The following RBM41 variants were observed in gnomAD, a reference collection of about 807,000 sequenced individuals.
RBM41 encodes RNA-binding protein 41.
In RBM41, 14 loss-of-function variants were observed where a neutral mutation model predicts 30.8. The ratio of observed to expected loss-of-function variants is 0.45; its 90% CI spans 0.30 to 0.71. The LOEUF (loss-of-function observed/expected upper bound fraction) is 0.71. RBM41 is among the 30% of genes least tolerant of loss of function. The pLI is 0.08. For synonymous variants in RBM41, 120 were observed against 110.1 expected, an observed-to-expected ratio of 1.09 and a Z score of -0.56; for missense variants, 276 against 326.3, an observed-to-expected ratio of 0.85 and a Z score of 1.19.
At position 107,067,215 on chromosome X, in the gene RBM41, T is replaced by C. The variant is rs895589294; in HGVS notation, c.*312A>G. ...AGAATGTTATCTCTAGAGACAAATA[T>C]TGAGGACCCCAGAAAAATTATAAAG... On this transcript the variant is annotated 3_prime_UTR_variant, in exon 8 of 8. Coordinates refer to ENST00000685964, the MANE Select transcript of RBM41 (RefSeq NM_001324242.2). 11 of 788,422 alleles carry C rather than the reference T, an allele frequency of 1.4e-5. 1 individual carries two copies. The Admixed American group carries it at 8.5e-4, about 61-fold the overall frequency. The allele number at this position is 788,422 out of a possible 1,213,427, so 65.0% of individuals were successfully genotyped here.
intron 5 of RBM41, among the ~76,000 whole-genome samples, chrX:107,105,012 G>A (rs1422836087): frequency 5.5e-5 from 6 of 110,059 alleles, no homozygotes; most frequent in African/African-American, 2.0e-4. Context: ...TGGAAGTTCT[G>A]GCCAGGGCAA....
chrX:107,118,027 A>G (rs1455345281), intron 1 of RBM41, among the ~76,000 whole-genome samples: 2 of 112,187 alleles, frequency 1.8e-5, no homozygotes, highest in East Asian at 2.8e-4. Context: ...GCAGGAAAGC[A>G]TATCAGTAAG....
At chrX:107,108,168 A>C (rs954574297) in intron 5 of RBM41, among the ~76,000 whole-genome samples, 3 of 111,757 alleles carry the variant, frequency 2.7e-5, no homozygotes, top group Non-Finnish European at 5.7e-5. Flanking sequence ...ATCTTAAGAA[A>C]ATCACTTATG....
At chrX:107,074,843 C>T (rs147816545) in intron 6 of RBM41, among the ~76,000 whole-genome samples, 41 of 111,662 alleles carry the variant, frequency 3.7e-4, no homozygotes, top group African/African-American at 1.2e-3. Flanking sequence ...CTATCCAAAG[C>T]GGTCTACAGA....
chrX:107,113,538 A>T, intron 4 of RBM41, 70 bp from the exon 5 acceptor site: 2 of 970,152 alleles, frequency 2.1e-6, no homozygotes, highest in South Asian at 4.1e-5. Flanking sequence ...CCCACCCTCC[A>T]CCCCAAATAC....
At position 107,115,430 on chromosome X, in the gene RBM41, G is replaced by A; in HGVS notation, c.445C>T (p.Arg149Trp). Residue 149 changes from arginine to tryptophan, a missense_variant, in exon 4 of 8, where the codon CGG becomes TGG. Coordinates refer to ENST00000685964, the MANE Select transcript of RBM41 (RefSeq NM_001324242.2). ...QRFAKSKQLT[R>W]REMEIEKSLF... ...GACTTTTCTATTTCCATTTCTCGCCGGGTCAGCTGTTTGCTCTTTGCAAAT... is the reference window on the plus strand; with the variant it reads ...GACTTTTCTATTTCCATTTCTCGCCAGGTCAGCTGTTTGCTCTTTGCAAAT... The A allele has an allele frequency of 3.3e-6, 4 of 1,211,446 alleles. No individual in the cohort carries two copies. The highest frequency in any genetic ancestry group is 4.5e-6 in the Non-Finnish European group (4 of 895,396).
rs139495663 is a variant in RBM41, at chrX:107,079,750, G to A, written c.999+8686C>T. Among the ~76,000 whole-genome samples, 732 of 110,324 alleles carry A rather than the reference G, an allele frequency of 6.6e-3. 7 individuals carry two copies. Among genetic ancestry groups the A allele is most frequent in the African/African-American group, 0.023 (677 of 29,757 alleles). ...CAGTATTATACAGAATAATTTTACC[G>A]CCCTAAAGATTCCCTGTGTTTCATG... is the stretch of plus-strand genomic sequence containing the variant. On this transcript the variant is annotated intron_variant, in intron 6 of 7. Transcript: ENST00000685964.
rs982567422 is a variant in RBM41 at position 107,065,588 on chromosome X, T to G, written c.*1939A>C. 6 of 391,077 alleles carry G rather than the reference T, an allele frequency of 1.5e-5. No individual in the cohort carries two copies. Among genetic ancestry groups the G allele is most frequent in the Non-Finnish European group, 2.4e-5 (6 of 245,243 alleles). The allele number at this position is 391,077 out of a possible 1,213,427, so 32.2% of individuals were successfully genotyped here. On this transcript the variant is annotated 3_prime_UTR_variant, in exon 8 of 8. Transcript: ENST00000685964. ...CATTATTATAATTACTTAATATAAT[T>G]TTACATCTTTAAAAGAAGCTGAGAG...
At chrX:107,088,350 T>C in intron 6 of RBM41, 86 bp downstream of exon 6, 1 of 928,481 alleles carries the variant, frequency 1.1e-6, no homozygotes, top group East Asian at 3.1e-5. Context: ...TTTGGTATAA[T>C]CAAAGCTAAT....
In RBM41 at chrX:107,088,450, C is replaced by A; in HGVS notation, c.985G>T (p.Gly329Trp). 1 of 1,210,562 alleles carries A rather than the reference C, an allele frequency of 8.3e-7. No homozygotes were observed. The highest frequency in any genetic ancestry group is 1.1e-6 in the Non-Finnish European group (1 of 894,758). The change falls in exon 6 of 8, where the codon GGG (glycine) becomes TGG (tryptophan). Residue 329 changes from glycine (G) to tryptophan (W), a missense_variant. By Grantham distance (184) the Gly-to-Trp change is radical. Coordinates refer to ENST00000685964, the MANE Select transcript of RBM41 (RefSeq NM_001324242.2). ...TTGGCCTATACCTTGTTTGGTTCCC[C>A]TGGATTATATGAAGAAAACATAGGA... ...KIPMFSSYNP[G>W]EPNKVLYLKN...
intron 6 of RBM41, among the ~76,000 whole-genome samples, chrX:107,077,525 C>T (rs954314852): frequency 2.8e-5 from 3 of 108,552 alleles, no homozygotes; most frequent in Admixed American, 1.0e-4. Flanking sequence ...TATATACACA[C>T]GTAAGTGCAG....
intron 5 of RBM41, among the ~76,000 whole-genome samples, chrX:107,110,406 T>G (rs915555378): frequency 9.0e-6 from 1 of 111,311 alleles, no homozygotes; most frequent in African/African-American, 3.2e-5. Flanking sequence ...GGTAAAAGAC[T>G]TATACACTGA....
Position 107,086,014 on chromosome X carries a change from G to A in RBM41, c.999+2422C>T, listed in dbSNP as rs952857870. Among the ~76,000 whole-genome samples the A allele has an allele frequency of 9.4e-4, 105 of 111,768 alleles. 1 individual carries two copies. The highest frequency in any genetic ancestry group is 3.2e-3 in the African/African-American group (100 of 30,791). Reference sequence around the variant, plus strand: ...TATAAATAAATATGAAAAAACAAACGATTAAATATTCAGCAAAGGAATGTA... The same window carrying A: ...TATAAATAAATATGAAAAAACAAACAATTAAATATTCAGCAAAGGAATGTA... On this transcript the variant is annotated intron_variant, in intron 6 of 7. Coordinates refer to ENST00000685964, the MANE Select transcript of RBM41 (RefSeq NM_001324242.2).
At chrX:107,052,617 C>G in the RBM41 span, among the ~76,000 whole-genome samples, 1 of 111,474 alleles carries the variant, frequency 9.0e-6, no homozygotes, top group Non-Finnish European at 1.9e-5. Context: ...CAGGCTGGTC[C>G]AGGGGTCCGT....
At chrX:107,108,984 A>G (rs1489929702) in intron 5 of RBM41, among the ~76,000 whole-genome samples, 1 of 111,842 alleles carries the variant, frequency 8.9e-6, no homozygotes, top group South Asian at 3.7e-4. Context: ...GAGAACAGCT[A>G]AACAAAGTTT....
chrX:107,056,818 T>G, the RBM41 span, among the ~76,000 whole-genome samples: 1 of 110,551 alleles, frequency 9.0e-6, no homozygotes, highest in Admixed American at 9.7e-5. Context: ...AATCTTTTTT[T>G]TTTTTCATTT....
chrX:107,092,574 G>T (rs1305701792), intron 5 of RBM41, among the ~76,000 whole-genome samples: 1 of 111,050 alleles, frequency 9.0e-6, no homozygotes, highest in Non-Finnish European at 1.9e-5. Flanking sequence ...GTGATACTCT[G>T]TCTCTAAATT....
intron 5 of RBM41, among the ~76,000 whole-genome samples, chrX:107,100,274 C>A (rs1923336587): frequency 1.8e-5 from 2 of 111,786 alleles, no homozygotes; most frequent in Admixed American, 1.9e-4. Context: ...ACTAGCTTGG[C>A]CAACATGGCG....
At chrX:107,052,733 T>C in the RBM41 span, among the ~76,000 whole-genome samples, 3 of 111,631 alleles carry the variant, frequency 2.7e-5, no homozygotes, top group East Asian at 2.8e-4. Flanking sequence ...AGGTTAAAGA[T>C]ACAGGGTCCA....
Sources: gnomAD v4.1 joint callset for allele counts (sites outside exome capture counted in the v4.1 genomes callset) on GRCh38, gnomAD v4.1.1 for gene constraint, MANE v1.5 for transcripts, NCBI Gene and HGNC (gene_info 2026-07-23, HGNC 2026-07-21) for gene names.